The following CD37 variants were observed in gnomAD, a reference collection of about 807,000 sequenced individuals.
CD37 encodes the protein CD37 molecule.
A neutral mutation model predicts 38.9 loss-of-function variants in CD37; 37 were observed. The ratio of observed to expected loss-of-function variants is 0.95; its 90% CI spans 0.73 to 1.25. CD37 has a LOEUF of 1.25. Ranked by LOEUF, CD37 falls within the 50% of genes most tolerant of loss-of-function variation. The pLI is 0.00. For synonymous variants in CD37, 146 were observed against 150.1 expected (o/e 0.97, Z 0.20); for missense variants, 351 against 360.1 (o/e 0.97, Z 0.20).
In CD37 at chr19:49,339,508, C is replaced by T. The variant is rs1349697997; in HGVS notation, c.768+95C>T. ...CCTTCGGTTGCCTGGGAAGGACGAGCTCAGGGCGGAGCGCAGCCCACCCCG... is the reference window on the plus strand; with the variant it reads ...CCTTCGGTTGCCTGGGAAGGACGAGTTCAGGGCGGAGCGCAGCCCACCCCG... On this transcript the variant is annotated intron_variant, in intron 7 of 7. Coordinates refer to ENST00000323906, the MANE Select transcript of CD37 (RefSeq NM_001774.3). This position sits in a 1 kb window ranked among gnomAD's most constrained non-coding sequence, Gnocchi z 4.5. 6.6e-7 allele frequency: 1 copy of T among 1,521,326 alleles called. No homozygotes were observed. Among genetic ancestry groups the T allele is most frequent in the Non-Finnish European group, 9.0e-7 (1 of 1,114,788 alleles). The allele number at this position is 1,521,326 out of a possible 1,614,324, so 94.2% of individuals were successfully genotyped here.
At position 49,335,916 on chromosome 19, in the gene CD37, C is replaced by T. The variant is rs770146606; in HGVS notation, c.142+130C>T. The T allele has an allele frequency of 9.4e-6, 7 of 741,834 alleles. No individual in the cohort carries two copies. Among genetic ancestry groups the T allele is most frequent in the East Asian group, 2.5e-5 (1 of 40,638 alleles). 46.0% of individuals were successfully genotyped at this position (741,834 alleles called of 1,614,324 possible). ...CTACAGGCTCCCATCCACTGCTCACCGGAGGCTTCTTGGAGCCTGAGTCTT... is the reference window on the plus strand; with the variant it reads ...CTACAGGCTCCCATCCACTGCTCACTGGAGGCTTCTTGGAGCCTGAGTCTT... On this transcript the variant is annotated intron_variant, in intron 2 of 7. Transcript: ENST00000323906. This position sits in a 1 kb window ranked among gnomAD's most constrained non-coding sequence, Gnocchi z 4.6.
Position 49,339,179 on chromosome 19 carries a change from G to A in CD37, c.685-151G>A. The A allele has an allele frequency of 4.0e-6, 3 of 747,698 alleles. No individual in the cohort carries two copies. The highest frequency in any genetic ancestry group is 3.3e-5 in the South Asian group (2 of 59,830). 46.3% of individuals were successfully genotyped at this position (747,698 alleles called of 1,614,324 possible). On this transcript the variant is annotated intron_variant, in intron 6 of 7. Transcript: ENST00000323906. This position sits in a 1 kb window ranked among gnomAD's most constrained non-coding sequence, Gnocchi z 4.5. ...GGGCCAGGCTTGGAAAAGGTGAAGC[G>A]AGGGTGCACTAGTAAGGAGACTAGA...
At chr19:49,336,016 G>A (rs1004458947) in intron 2 of CD37, 7 of 577,018 alleles carry the variant, frequency 1.2e-5, no homozygotes, top group African/African-American at 5.6e-5. Context: ...CCTATCTGTC[G>A]GGACTTGTGG....
At position 49,338,681 on chromosome 19, in the gene CD37, A is replaced by G; in HGVS notation, c.448-19A>G. On this transcript the variant is annotated intron_variant, in intron 5 of 7. Coordinates refer to ENST00000323906, the MANE Select transcript of CD37 (RefSeq NM_001774.3). This position sits in a 1 kb window ranked among gnomAD's most constrained non-coding sequence, Gnocchi z 5.0. Reference sequence around the variant, plus strand: ...TATGTCTCCAGTCCCGGTCCCTCTGACTCGTATCCCTCTCCCAGCTGCGCT... The same window carrying G: ...TATGTCTCCAGTCCCGGTCCCTCTGGCTCGTATCCCTCTCCCAGCTGCGCT... The G allele has an allele frequency of 1.3e-6, 2 of 1,580,352 alleles. No individual in the cohort carries two copies. The highest frequency in any genetic ancestry group is 3.3e-4 in the Middle Eastern group (2 of 6,008).
chr19:49,340,456 C>A lies in CD37; in HGVS notation c.*128C>A. 1 of 727,418 alleles carries A rather than the reference C, an allele frequency of 1.4e-6. No individual in the cohort carries two copies. Among genetic ancestry groups the A allele is most frequent in the East Asian group, 2.6e-5 (1 of 37,762 alleles). The allele number at this position is 727,418 out of a possible 1,614,324, so 45.1% of individuals were successfully genotyped here. ...CCGCCTTCACATTCCCCTGGGGACCCACGTGGCTGCGTGCCCCTGCTGCTG... is the reference window on the plus strand; with the variant it reads ...CCGCCTTCACATTCCCCTGGGGACCAACGTGGCTGCGTGCCCCTGCTGCTG... On this transcript the variant is annotated 3_prime_UTR_variant, in exon 8 of 8. Transcript: ENST00000323906.
Position 49,338,869 on chromosome 19 carries a change from A to C in CD37, c.617A>C (p.His206Pro), listed in dbSNP as rs115652338. 6.2e-7 allele frequency: 1 copy of C among 1,614,112 alleles called. No individual in the cohort carries two copies. Among genetic ancestry groups the C allele is most frequent in the Non-Finnish European group, 8.5e-7 (1 of 1,180,026 alleles). Residue 206 changes from histidine (H) to proline (P), a missense_variant, in exon 6 of 8, where the codon CAC becomes CCC. Coordinates refer to ENST00000323906, the MANE Select transcript of CD37 (RefSeq NM_001774.3). This position sits in a 1 kb window ranked among gnomAD's most constrained non-coding sequence, Gnocchi z 5.0. ...TTGCCCCAGCTCAGCAGGCTTGGAC[A>C]CCTGGCGCGGTCCAGACACAGTGCA... ...VILPQLSRLG[H>P]LARSRHSADI...
rs1258246813 is a variant in CD37, at chr19:49,335,875, C to G, written c.142+89C>G. ...TTGTCTCAGGGAGACCTACGGTGCCCTACTCTGCAGGCAGGCTACAGGCTC... is the reference window on the plus strand; with the variant it reads ...TTGTCTCAGGGAGACCTACGGTGCCGTACTCTGCAGGCAGGCTACAGGCTC... On this transcript the variant is annotated intron_variant, in intron 2 of 7. Transcript: ENST00000323906. This position sits in a 1 kb window ranked among gnomAD's most constrained non-coding sequence, Gnocchi z 4.6. The G allele has an allele frequency of 1.8e-6, 2 of 1,084,284 alleles. No homozygotes were observed. Among genetic ancestry groups the G allele is most frequent in the Admixed American group, 3.5e-5 (2 of 57,872 alleles). 67.2% of individuals were successfully genotyped at this position (1,084,284 alleles called of 1,614,324 possible).
chr19:49,337,858 G>T, intron 4 of CD37, 67 bp from the exon 5 acceptor site: 1 of 1,587,420 alleles, frequency 6.3e-7, no homozygotes. Flanking sequence ...CCTGAGGCTG[G>T]CACAGCCTGA....
chr19:49,337,708 AAG>A (rs1971008978), intron 4 of CD37: 1 of 1,533,486 alleles, frequency 6.5e-7, no homozygotes, highest in Non-Finnish European at 8.7e-7. Flanking sequence ...GAACAAGAGA[AAG>A]AAATAGACGC....
rs775833324 is a variant in CD37, at chr19:49,338,925, A to G, written c.673A>G (p.Ile225Val). ...CTGCGCTGTCCCTGCAGAGAGCCAC[A>G]TCTACCGCGAGGTGGGCAGGGGTTC... is the stretch of plus-strand genomic sequence containing the variant. ...DICAVPAESH[I>V]YREGCAQGLQ... Residue 225 changes from isoleucine to valine, a missense_variant, in exon 6 of 8, where the codon ATC (isoleucine) becomes GTC (valine). Coordinates refer to ENST00000323906, the MANE Select transcript of CD37 (RefSeq NM_001774.3). This position sits in a 1 kb window ranked among gnomAD's most constrained non-coding sequence, Gnocchi z 5.0. 55 of 1,612,254 alleles carry G rather than the reference A, an allele frequency of 3.4e-5. No homozygotes were observed. In the Admixed American group the frequency reaches 7.8e-4, roughly 23 times the overall value.
intron 4 of CD37, chr19:49,337,521 T>A: frequency 1.3e-6 from 1 of 770,744 alleles, no homozygotes. Flanking sequence ...ACTTGGGAGG[T>A]CGAGGTGGGA....
rs1971194075 is a variant in CD37, at chr19:49,340,505, G to GCTTT, written c.*179_*182dup. 6 of 646,400 alleles carry GCTTT rather than the reference G, an allele frequency of 9.3e-6. No individual in the cohort carries two copies. The East Asian group carries it at 1.6e-4, about 18-fold the overall frequency. The allele number at this position is 646,400 out of a possible 1,614,324, so 40.0% of individuals were successfully genotyped here. A position where few individuals can be genotyped will look rare whatever the true frequency, so the allele number is the denominator to read the frequency against. ...TGTCACCTCTCCCACGGGACCTGGG[G>GCTTT]CTTTCGTCCACAGCTTCCTGTCCCC... On this transcript the variant is annotated 3_prime_UTR_variant, in exon 8 of 8. Coordinates refer to ENST00000323906, the MANE Select transcript of CD37 (RefSeq NM_001774.3).
intron 4 of CD37, chr19:49,337,572 T>G (rs1971003518): frequency 8.1e-7 from 1 of 1,229,136 alleles, no homozygotes; most frequent in South Asian, 1.3e-5. Context: ...CAGTGAGCCA[T>G]GCACTCAGCC....
Position 49,339,452 on chromosome 19 carries a change from TCC to T in CD37, c.768+41_768+42del. ...GCCCCCACCCGCGATCGGCCCTAAA[TCC>T]CTAGATGGCCCTGCCCTTCATTTCG... On this transcript the variant is annotated intron_variant, in intron 7 of 7. Transcript: ENST00000323906. The surrounding 1 kb of genome is among the most constrained non-coding windows in gnomAD (Gnocchi z 4.5). The T allele has an allele frequency of 6.3e-7, 1 of 1,587,230 alleles. No homozygotes were observed. The highest frequency in any genetic ancestry group is 8.6e-7 in the Non-Finnish European group (1 of 1,158,446).
intron 3 of CD37, 44 bp from the exon 4 acceptor site, chr19:49,337,103 G>T (rs1970985281): frequency 6.2e-7 from 1 of 1,613,924 alleles, no homozygotes; most frequent in African/African-American, 1.3e-5. Flanking sequence ...CCTGGGCCGG[G>T]GTTGCAGGGG....
Position 49,340,382 on chromosome 19 carries a change from C to T in CD37, c.*54C>T. The T allele has an allele frequency of 1.7e-6, 2 of 1,161,486 alleles. No homozygotes were observed. Among genetic ancestry groups the T allele is most frequent in the Middle Eastern group, 3.9e-4 (2 of 5,150 alleles). The allele number at this position is 1,161,486 out of a possible 1,614,324, so 71.9% of individuals were successfully genotyped here. On this transcript the variant is annotated 3_prime_UTR_variant, in exon 8 of 8. Transcript: ENST00000323906. ...CCCCCGTCACGTGCGCTGGGCACTT[C>T]CCTGCTGCCTGTAAATATTTGTTTA... is the stretch of plus-strand genomic sequence containing the variant.
intron 2 of CD37, 48 bp from the exon 3 acceptor site, chr19:49,336,861 C>T (rs1970974747): frequency 6.2e-7 from 1 of 1,603,384 alleles, no homozygotes; most frequent in Non-Finnish European, 8.5e-7. Flanking sequence ...ATGGGGCTGC[C>T]TGGAGCTGTG....
At chr19:49,337,807 C>G in intron 4 of CD37, 118 bp from the exon 5 acceptor site, 1 of 1,562,006 alleles carries the variant, frequency 6.4e-7, no homozygotes. Context: ...GCTAGCCATT[C>G]AGTAAGGATT....
Position 49,340,401 on chromosome 19 carries a change from T to C in CD37, c.*73T>C, listed in dbSNP as rs1971187745. 1.9e-6 allele frequency: 2 copies of C among 1,071,088 alleles called. No homozygotes were observed. Among genetic ancestry groups the C allele is most frequent in the Non-Finnish European group, 2.9e-6 (2 of 693,690 alleles). 66.3% of individuals were successfully genotyped at this position (1,071,088 alleles called of 1,614,324 possible). Reference sequence around the variant, plus strand: ...GCACTTCCCTGCTGCCTGTAAATATTTGTTTAATCCCCAGTTCGCCTGGAG... The same window carrying C: ...GCACTTCCCTGCTGCCTGTAAATATCTGTTTAATCCCCAGTTCGCCTGGAG... On this transcript the variant is annotated 3_prime_UTR_variant, in exon 8 of 8. Transcript: ENST00000323906.
Sources: gnomAD v4.1 joint callset for allele counts on GRCh38, gnomAD v4.1.1 for gene constraint, Gnocchi (gnomAD v3.1) non-coding constraint, MANE v1.5 for transcripts, NCBI Gene and HGNC (gene_info 2026-07-23, HGNC 2026-07-21) for gene names.